The following SV2C variants were observed in gnomAD, a reference collection of about 807,000 sequenced individuals.
The protein encoded by SV2C is synaptic vesicle glycoprotein 2C, also known as solute carrier family 22 member B3.
Under a neutral mutation model 79.7 loss-of-function variants are expected in SV2C, and 49 were observed. The ratio of observed to expected loss-of-function variants is 0.61; its 90% confidence interval spans 0.49 to 0.78. SV2C has a LOEUF of 0.78. SV2C is among the 30% of genes least tolerant of loss of function. SV2C has a pLI of 0.00. For missense variants in SV2C, 833 were observed against 912.9 expected, an observed-to-expected ratio of 0.91 and a Z score of 1.13; for synonymous variants, 334 against 333.2, an observed-to-expected ratio of 1.00 and a Z score of -0.03.
At chr5:76,129,651 T>C (rs1380478631) in intron 1 of SV2C, among the ~76,000 whole-genome samples, 1 of 152,212 alleles carries the variant, frequency 6.6e-6, no homozygotes, top group Non-Finnish European at 1.5e-5. Context: ...ATGAAAACCC[T>C]GTAAAGCATG....
chr5:75,901,512 C>A, the SV2C span, among the ~76,000 whole-genome samples: 1 of 152,168 alleles, frequency 6.6e-6, no homozygotes, highest in African/African-American at 2.4e-5. Flanking sequence ...GGTGCCTCCC[C>A]ATTAGGCTGC....
the SV2C span, among the ~76,000 whole-genome samples, chr5:75,929,662 G>T: frequency 2.0e-4 from 31 of 152,052 alleles, no homozygotes; most frequent in African/African-American, 7.2e-4. Context: ...TAATTTTATT[G>T]TAAGTTTTGT....
chr5:76,092,880 C>T (rs1424985503), intron 1 of SV2C, among the ~76,000 whole-genome samples: 8 of 152,052 alleles, frequency 5.3e-5, no homozygotes, highest in Non-Finnish European at 7.4e-5. Flanking sequence ...TCAGTCTCTC[C>T]TAGGCCCCTT....
chr5:76,339,291 T>C (rs1194738214), intron 12 of SV2C, among the ~76,000 whole-genome samples: 2 of 152,242 alleles, frequency 1.3e-5, no homozygotes, highest in African/African-American at 4.8e-5. Flanking sequence ...TTTCTATATT[T>C]TTTCAGTGCA....
At chr5:75,898,238 GT>G in the SV2C span, among the ~76,000 whole-genome samples, 2 of 152,080 alleles carry the variant, frequency 1.3e-5, no homozygotes, top group Non-Finnish European at 1.5e-5. Context: ...TTTGAGATAC[GT>G]CCCATCAATA....
the SV2C span, chr5:75,921,152 A>T: frequency 1.1e-6 from 1 of 904,584 alleles, no homozygotes; most frequent in Non-Finnish European, 1.8e-6. Context: ...GGCACCAATG[A>T]GCAAGTTGTT....
At position 76,291,310 on chromosome 5, in the gene SV2C, G is replaced by T. The variant is rs771885132; in HGVS notation, c.1227G>T (p.Arg409=). Residue 409 remains arginine, a synonymous_variant, in exon 7 of 13, where the codon CGG becomes CGT. Coordinates refer to ENST00000502798, the MANE Select transcript of SV2C (RefSeq NM_014979.4). The part of the protein sequence containing the change: ...TGTWYRRCFV[R]IRTELYGIWL... ...CATGGTATAGGAGGTGTTTTGTTCG[G>T]ATCCGCACCGAGCTGTACGGAGTAA... The T allele has an allele frequency of 2.5e-6, 4 of 1,612,156 alleles. No homozygotes were observed. The highest frequency in any genetic ancestry group is 3.4e-6 in the Non-Finnish European group (4 of 1,179,344).
chr5:76,072,825 G>A, the SV2C span, among the ~76,000 whole-genome samples: 1 of 152,138 alleles, frequency 6.6e-6, no homozygotes, highest in South Asian at 2.1e-4. Context: ...ATTTCATTGT[G>A]GTTTTGATTT....
intron 2 of SV2C, among the ~76,000 whole-genome samples, chr5:76,142,137 A>T (rs1313074291): frequency 3.3e-5 from 5 of 152,228 alleles, no homozygotes; most frequent in African/African-American, 1.2e-4. Context: ...AAGTATTTCT[A>T]ACACACATAT....
At chr5:75,963,677 C>A in the SV2C span, among the ~76,000 whole-genome samples, 1 of 151,990 alleles carries the variant, frequency 6.6e-6, no homozygotes, top group Non-Finnish European at 1.5e-5. Flanking sequence ...CTTGATTGGT[C>A]CTTTCAAATA....
intron 4 of SV2C, among the ~76,000 whole-genome samples, chr5:76,267,116 A>G (rs1453797890): frequency 6.6e-6 from 1 of 152,238 alleles, no homozygotes; most frequent in African/African-American, 2.4e-5. Context: ...AACACACGAC[A>G]TGTTTCCTGG....
At chr5:76,146,666 C>G (rs1312888500) in intron 2 of SV2C, among the ~76,000 whole-genome samples, 1 of 151,950 alleles carries the variant, frequency 6.6e-6, no homozygotes, top group Non-Finnish European at 1.5e-5. Flanking sequence ...GGGAATGCAG[C>G]CCAGTAGGTC....
intron 4 of SV2C, among the ~76,000 whole-genome samples, chr5:76,234,062 TAAAC>T (rs1745532106): frequency 6.6e-6 from 1 of 152,200 alleles, no homozygotes; most frequent in Non-Finnish European, 1.5e-5. Context: ...ATAATTATTT[TAAAC>T]AAATGTTATT....
chr5:76,042,736 C>G, the SV2C span, among the ~76,000 whole-genome samples: 1 of 152,194 alleles, frequency 6.6e-6, no homozygotes, highest in Admixed American at 6.5e-5. Context: ...ATTGGACCTC[C>G]TTTCTCCAAT....
Position 76,182,962 on chromosome 5 carries a change from AG to A in SV2C, c.581-11956del, listed in dbSNP as rs1205520673. ...ATGTGAGAGAGAGAGAGAGAGACAG[AG>A]AGAGAGAGAGAGAGTAGGGGGAGGT... On this transcript the variant is annotated intron_variant, in intron 2 of 12. Transcript: ENST00000502798. Among the ~76,000 whole-genome samples the A allele has an allele frequency of 0.02, 350 of 17,124 alleles. 2 individuals are homozygous for A. In the African/African-American group the frequency reaches 0.22, roughly 11 times the overall value. The allele number at this position is 17,124 out of a possible 152,430, so 11.2% of individuals were successfully genotyped here. A position where few individuals can be genotyped will look rare whatever the true frequency, so the allele number is the denominator to read the frequency against.
At chr5:76,074,659 C>G in the SV2C span, among the ~76,000 whole-genome samples, 1 of 152,202 alleles carries the variant, frequency 6.6e-6, no homozygotes. Flanking sequence ...CCACACACTT[C>G]TAAGTGACAC....
the SV2C span, among the ~76,000 whole-genome samples, chr5:75,923,706 A>G: frequency 5.9e-5 from 9 of 152,284 alleles, no homozygotes; most frequent in African/African-American, 2.2e-4. Flanking sequence ...TAAAACCACA[A>G]TGAAATACCA....
the SV2C span, among the ~76,000 whole-genome samples, chr5:75,851,864 C>T: frequency 2.0e-5 from 3 of 152,084 alleles, no homozygotes; most frequent in African/African-American, 7.2e-5. Flanking sequence ...AGGGTTTCAC[C>T]GTCTTAGCCA....
chr5:76,163,702 G>T lies in SV2C; in HGVS notation c.581-31217G>T, dbSNP rs114694662. ...TTCTCACACAGATTAAACATTTTAA[G>T]AATTTTCGTAATGAAAACCAAATAA... On this transcript the variant is annotated intron_variant, in intron 2 of 12. Coordinates refer to ENST00000502798, the MANE Select transcript of SV2C (RefSeq NM_014979.4). 1.5e-3 allele frequency among the ~76,000 whole-genome samples: 224 copies of T among 152,220 alleles called. 1 individual carries two copies. The highest frequency in any genetic ancestry group is 5.3e-3 in the African/African-American group (221 of 41,538).
Sources: allele counts gnomAD v4.1 joint callset (sites outside exome capture counted in the v4.1 genomes callset), GRCh38; gene constraint gnomAD v4.1.1; transcripts MANE v1.5; gene names NCBI Gene and HGNC (gene_info 2026-07-23, HGNC 2026-07-21).